DCHS1: variants seen among roughly 807,000 people sequenced by gnomAD.
The protein encoded by DCHS1 is protocadherin-16.
In DCHS1, 78 loss-of-function variants were observed where a neutral mutation model predicts 213.9. The observed-to-expected ratio is 0.36, with a 90% CI of 0.30 to 0.44. DCHS1 has a LOEUF of 0.44. Among genes scored for constraint, DCHS1 ranks in the 20% least tolerant of loss-of-function variants. The pLI is 1.00. For synonymous variants in DCHS1, 1,828 were observed against 1,873.7 expected (o/e 0.98, Z 0.63); for missense variants, 3,946 against 4,395.9 (o/e 0.90, Z 2.89).
Position 6,640,903 on chromosome 11 carries a change from G to A in DCHS1, c.711C>T (p.Ala237=), listed in dbSNP as rs745795836. 23 of 1,613,946 alleles carry A rather than the reference G, an allele frequency of 1.4e-5. No homozygotes were observed. The highest frequency in any genetic ancestry group is 1.8e-5 in the Non-Finnish European group (21 of 1,179,904). ...AYDGGSPPRR[A]QALLDVTLLD... ...GCAGTGTCACGTCCAGCAGGGCCTG[G>A]GCCCTCCGGGGGGGTGAACCACCAT... The change falls in exon 2 of 21, where the codon GCC becomes GCT. Residue 237 remains alanine, a synonymous_variant. Transcript: ENST00000299441. This position sits in a 1 kb window ranked among gnomAD's most constrained non-coding sequence, Gnocchi z 6.5.
chr11:6,622,311 C>T lies in DCHS1; in HGVS notation c.9365G>A (p.Gly3122Asp), dbSNP rs1291195508. ...PPATATAFLG[G>D]CGLSPAPTGD... ...AGTGGGTGCAGGGCTCAGGCCACAG[C>T]CCCCCAGGAAGGCTGTGGCAGTGGC... The change falls in exon 21 of 21, where the codon GGC (glycine) becomes GAC (aspartate). Residue 3122 changes from glycine (G) to aspartate (D), a missense_variant. Coordinates refer to ENST00000299441, the MANE Select transcript of DCHS1 (RefSeq NM_003737.4). This position sits in a 1 kb window ranked among gnomAD's most constrained non-coding sequence, Gnocchi z 5.4. 18 of 1,605,662 alleles carry T rather than the reference C, an allele frequency of 1.1e-5. No homozygotes were observed. The highest frequency in any genetic ancestry group is 1.5e-5 in the Non-Finnish European group (18 of 1,176,342).
intron 1 of DCHS1, among the ~76,000 whole-genome samples, chr11:6,647,019 C>T (rs966027842): frequency 2.0e-5 from 3 of 152,088 alleles, no homozygotes; most frequent in Non-Finnish European, 4.4e-5. Flanking sequence ...GCTGGCACCA[C>T]CCAGGCCTCC....
chr11:6,631,272 T>C (rs1365905709), intron 8 of DCHS1, 39 bp downstream of exon 8: 6 of 1,613,884 alleles, frequency 3.7e-6, no homozygotes, highest in Admixed American at 1.7e-5. Context: ...CATGAGGGCA[T>C]GCCATCACCC....
Position 6,640,261 on chromosome 11 carries a change from T to G in DCHS1, c.1353A>C (p.Pro451=), listed in dbSNP as rs758012201. Residue 451 remains proline (P), a synonymous_variant, in exon 2 of 21, where the codon CCA becomes CCC. Transcript: ENST00000299441. This position sits in a 1 kb window ranked among gnomAD's most constrained non-coding sequence, Gnocchi z 6.5. ...RVTATDSGSP[P]LRAEAAFVLH... ...GCACAAAGGCAGCCTCAGCCCGCAG[T>G]GGAGGTGAGCCTGAGTCTGTGGCTG... The G allele has an allele frequency of 1.2e-6, 2 of 1,610,562 alleles. No individual in the cohort carries two copies. Among genetic ancestry groups the G allele is most frequent in the South Asian group, 2.2e-5 (2 of 90,398 alleles).
Position 6,632,057 on chromosome 11 carries a change from T to C in DCHS1, c.3455A>G (p.Lys1152Arg), listed in dbSNP as rs139784308. 4.7e-5 allele frequency: 72 copies of C among 1,524,038 alleles called. No individual in the cohort carries two copies. In the African/African-American group the frequency reaches 7.7e-4, roughly 16 times the overall value. 94.4% of individuals were successfully genotyped at this position (1,524,038 alleles called of 1,614,324 possible). ...YSLQQLSEDS[K>R]AFRIHPQTGE... ...AGTCTGGGGGTGGATGCGGAAGGCC[T>C]TGCTGTCTTCAGACAGCTGTTGCAG... is the stretch of plus-strand genomic sequence containing the variant. The change falls in exon 6 of 21, where the codon AAG (lysine) becomes AGG (arginine). Residue 1152 changes from lysine to arginine, a missense_variant. Coordinates refer to ENST00000299441, the MANE Select transcript of DCHS1 (RefSeq NM_003737.4). This position sits in a 1 kb window ranked among gnomAD's most constrained non-coding sequence, Gnocchi z 5.9.
At position 6,624,396 on chromosome 11, in the gene DCHS1, A is replaced by T; in HGVS notation, c.7286-6T>A. 1 of 1,544,464 alleles carries T rather than the reference A, an allele frequency of 6.5e-7. No homozygotes were observed. The highest frequency in any genetic ancestry group is 8.8e-7 in the Non-Finnish European group (1 of 1,142,504). ...CACTATTGTGAACAGGGTCCCTGAG[A>T]TGAGAACGGAAGGGAAAGAAATATA... is the stretch of plus-strand genomic sequence containing the variant. On this transcript the variant is annotated splice_region_variant and splice_polypyrimidine_tract_variant and intron_variant, in intron 20 of 20. Transcript: ENST00000299441.
In DCHS1 at chr11:6,628,512, A is replaced by C; in HGVS notation, c.5371+109T>G. The C allele has an allele frequency of 8.0e-7, 1 of 1,250,550 alleles. No individual in the cohort carries two copies. Among genetic ancestry groups the C allele is most frequent in the Non-Finnish European group, 1.2e-6 (1 of 867,186 alleles). 77.5% of individuals were successfully genotyped at this position (1,250,550 alleles called of 1,614,324 possible). A position where few individuals can be genotyped will look rare whatever the true frequency, so the allele number is the denominator to read the frequency against. On this transcript the variant is annotated intron_variant, in intron 13 of 20. Coordinates refer to ENST00000299441, the MANE Select transcript of DCHS1 (RefSeq NM_003737.4). This position sits in a 1 kb window ranked among gnomAD's most constrained non-coding sequence, Gnocchi z 4.3. ...CATGAAAGAAAAGGTGGACGACATCAAGAGGGAAAAGGAGACCCAGACACA... is the reference window on the plus strand; with the variant it reads ...CATGAAAGAAAAGGTGGACGACATCCAGAGGGAAAAGGAGACCCAGACACA...
rs374605435 is a variant in DCHS1, at chr11:6,631,123, T to C, written c.3860A>G (p.Tyr1287Cys). 1.2e-5 allele frequency: 20 copies of C among 1,613,250 alleles called. No individual in the cohort carries two copies. Among genetic ancestry groups the C allele is most frequent in the Non-Finnish European group, 1.6e-5 (19 of 1,179,610 alleles). ...GTCATGAGCACTCAGTGTCAGCACA[T>C]AGTGGGGCCGCTCTGCTCGGATCAG... ...APLIRAERPH[Y>C]VLTLSAHDQG... Residue 1287 changes from tyrosine (Y) to cysteine (C), a missense_variant, in exon 9 of 21, where the codon TAT becomes TGT. Tyr to Cys is a radical substitution (Grantham distance 194). Around this residue, in one of 3 missense-constraint regions of DCHS1, gnomAD observed 3,384 missense variants for 3,780.1 expected, o/e 0.90. Transcript: ENST00000299441.
Position 6,632,899 on chromosome 11 carries a change from C to T in DCHS1, c.2613G>A (p.Val871=). 6.2e-7 allele frequency: 1 copy of T among 1,613,968 alleles called. No individual in the cohort carries two copies. Residue 871 remains valine (V), a synonymous_variant, in exon 6 of 21, where the codon GTG becomes GTA. Coordinates refer to ENST00000299441, the MANE Select transcript of DCHS1 (RefSeq NM_003737.4). This position sits in a 1 kb window ranked among gnomAD's most constrained non-coding sequence, Gnocchi z 5.9. ...CCCGAGCTACAGCGAAAGCTGGGGG[C>T]ACTCCACTGCCTGCTCGCACCTCCA... is the stretch of plus-strand genomic sequence containing the variant. ...LELEVRAGSG[V]PPAFAVARVR...
At chr11:6,652,081 G>A (rs1201583343) in intron 1 of DCHS1, among the ~76,000 whole-genome samples, 2 of 152,148 alleles carry the variant, frequency 1.3e-5, no homozygotes, top group Non-Finnish European at 2.9e-5. Context: ...CATTCAGGGG[G>A]CATACAAAGG....
chr11:6,641,874 C>A lies in DCHS1; in HGVS notation c.-120-141G>T. ...TGCCTCACACTCATCTTGGGCCACA[C>A]GGATCTCTGCCTCAGGACTCTTCGA... On this transcript the variant is annotated intron_variant, in intron 1 of 20. Transcript: ENST00000299441. The surrounding 1 kb of genome is among the most constrained non-coding windows in gnomAD (Gnocchi z 7.1). The A allele has an allele frequency of 1.5e-6, 1 of 687,140 alleles. No individual in the cohort carries two copies. The highest frequency in any genetic ancestry group is 2.7e-5 in the South Asian group (1 of 36,394). The allele number at this position is 687,140 out of a possible 1,614,324, so 42.6% of individuals were successfully genotyped here.
rs186044615 is a variant in DCHS1, at chr11:6,625,501, T to C, written c.6863-20A>G. The stretch of plus-strand genomic sequence containing the variant: ...ACGCATCTGGAATACATGAGACTAG[T>C]GTGTTTGGCAATGGACACAGCCCCA... On this transcript the variant is annotated intron_variant, in intron 18 of 20. Transcript: ENST00000299441. The surrounding 1 kb of genome is among the most constrained non-coding windows in gnomAD (Gnocchi z 5.3). The C allele has an allele frequency of 2.7e-4, 426 of 1,606,692 alleles. 5 individuals are homozygous for C. In the East Asian group the frequency reaches 6.6e-3, roughly 25 times the overall value.
rs761124968 is a variant in DCHS1 at position 6,624,851 on chromosome 11, G to A, written c.7164C>T (p.His2388=). Residue 2388 remains histidine, a synonymous_variant, in exon 20 of 21, where the codon CAC becomes CAT. Coordinates refer to ENST00000299441, the MANE Select transcript of DCHS1 (RefSeq NM_003737.4). ...QSLYQVMLLE[H]TPPGSAILSV... ...AGAGAATGGCACTGCCTGGGGGTGT[G>A]TGCTCAAGCAGCATTACCTGAAGTG... 8.7e-6 allele frequency: 14 copies of A among 1,613,764 alleles called. No individual in the cohort carries two copies. The highest frequency in any genetic ancestry group is 2.2e-5 in the East Asian group (1 of 44,884).
Position 6,621,632 on chromosome 11 carries a change from C to T in DCHS1, c.*147G>A, listed in dbSNP as rs762654594. On this transcript the variant is annotated 3_prime_UTR_variant, in exon 21 of 21. Coordinates refer to ENST00000299441, the MANE Select transcript of DCHS1 (RefSeq NM_003737.4). Reference sequence around the variant, plus strand: ...CTGTGGTCCTAGTACTCTGAGGGGGCTGGGGAGTTCAGGGTGGAGAGCTGG... The same window carrying T: ...CTGTGGTCCTAGTACTCTGAGGGGGTTGGGGAGTTCAGGGTGGAGAGCTGG... 76 of 895,306 alleles carry T rather than the reference C, an allele frequency of 8.5e-5. No individual in the cohort carries two copies. Among genetic ancestry groups the T allele is most frequent in the Non-Finnish European group, 1.3e-4 (72 of 562,312 alleles). 55.5% of individuals were successfully genotyped at this position (895,306 alleles called of 1,614,324 possible).
chr11:6,654,405 C>T (rs909604673), intron 1 of DCHS1, among the ~76,000 whole-genome samples: 1 of 152,156 alleles, frequency 6.6e-6, no homozygotes, highest in African/African-American at 2.4e-5. Flanking sequence ...GACAATGTCT[C>T]CTGAGAGGTG....
rs761178595 is a variant in DCHS1, at chr11:6,639,996, A to C, written c.1618T>G (p.Leu540Val). Reference protein sequence around the residue: ...ITTAASLDYELEPQPQLIVVA... With the variant: ...ITTAASLDYEVEPQPQLIVVA... ...ACAATCAGCTGTGGCTGAGGTTCCA[A>C]CTCATAGTCCAGTGAGGCAGCCGTA... Residue 540 changes from leucine to valine, a missense_variant, in exon 2 of 21, where the codon TTG (leucine) becomes GTG (valine). Physicochemically the swap from Leu to Val is conservative, Grantham distance 32 (BLOSUM62 1). Around this residue, in one of 3 missense-constraint regions of DCHS1, gnomAD observed 3,384 missense variants for 3,780.1 expected, o/e 0.90. Transcript: ENST00000299441. The C allele has an allele frequency of 1.7e-4, 273 of 1,613,806 alleles. No homozygotes were observed. The highest frequency in any genetic ancestry group is 2.3e-4 in the Non-Finnish European group (270 of 1,179,836).
chr11:6,630,348 G>C lies in DCHS1; in HGVS notation c.4446C>G (p.Pro1482=), dbSNP rs1460556201. 1.1e-5 allele frequency: 14 copies of C among 1,311,864 alleles called. No homozygotes were observed. Among genetic ancestry groups the C allele is most frequent in the South Asian group, 1.8e-5 (1 of 55,216 alleles). The allele number at this position is 1,311,864 out of a possible 1,614,324, so 81.3% of individuals were successfully genotyped here. ...VRYRLLRQEP[P]VPALRLDART... Reference sequence around the variant, plus strand: ...GCGCGTCCAGGCGAAGCGCCGGCACGGGCGGCTCCTGGCGCAGCAGGCGGT... The same window carrying C: ...GCGCGTCCAGGCGAAGCGCCGGCACCGGCGGCTCCTGGCGCAGCAGGCGGT... Residue 1482 remains proline, a synonymous_variant, in exon 10 of 21, where the codon CCC becomes CCG. Coordinates refer to ENST00000299441, the MANE Select transcript of DCHS1 (RefSeq NM_003737.4).
At chr11:6,651,713 G>A (rs1856245141) in intron 1 of DCHS1, among the ~76,000 whole-genome samples, 1 of 152,194 alleles carries the variant, frequency 6.6e-6, no homozygotes, top group African/African-American at 2.4e-5. Context: ...AGAGATTGCT[G>A]GAGAGAAGAT....
chr11:6,644,101 C>A (rs1391076150), intron 1 of DCHS1, among the ~76,000 whole-genome samples: 1 of 152,210 alleles, frequency 6.6e-6, no homozygotes, highest in African/African-American at 2.4e-5. Flanking sequence ...TCTGATCCAT[C>A]TCCACCTGAC....
Sources: allele counts gnomAD v4.1 joint callset (sites outside exome capture counted in the v4.1 genomes callset), GRCh38; gene constraint gnomAD v4.1.1; regional missense constraint gnomAD v4.1.1; non-coding constraint Gnocchi (gnomAD v3.1); transcripts MANE v1.5; gene names NCBI Gene and HGNC (gene_info 2026-07-23, HGNC 2026-07-21).